Variants in SLC60A1 observed in about 807,000 individuals in gnomAD.
SLC60A1 encodes the protein major facilitator superfamily domain containing 4.
At chr1:205,570,468 G>A in the SLC60A1 span, among the ~76,000 whole-genome samples, 1 of 152,236 alleles carries the variant, frequency 6.6e-6, no homozygotes, top group African/African-American at 2.4e-5. Flanking sequence ...AACGCCTACA[G>A]GTGTTCGTGA....
chr1:205,576,624 C>G, the SLC60A1 span, among the ~76,000 whole-genome samples: 13 of 152,320 alleles, frequency 8.5e-5, 1 homozygote, highest in Middle Eastern at 3.4e-3. Flanking sequence ...ATCCACATTC[C>G]TAGAAGGGGC....
At chr1:205,582,160 T>A in the SLC60A1 span, among the ~76,000 whole-genome samples, 5 of 152,168 alleles carry the variant, frequency 3.3e-5, no homozygotes, top group Admixed American at 2.6e-4. Flanking sequence ...TTGGGCCCGT[T>A]CCTTCCAGGA....
chr1:205,597,816 T>G, the SLC60A1 span: 2 of 1,613,856 alleles, frequency 1.2e-6, no homozygotes, highest in Non-Finnish European at 1.7e-6. Flanking sequence ...GGGGCAGGAG[T>G]TGGCGAGATG....
the SLC60A1 span, chr1:205,579,564 T>C: frequency 1.7e-5 from 11 of 642,588 alleles, no homozygotes; most frequent in Non-Finnish European, 2.5e-5. Flanking sequence ...GTGAGGTAGA[T>C]TGTTATCTGA....
At chr1:205,600,570 A>C in the SLC60A1 span, 29 of 1,052,162 alleles carry the variant, frequency 2.8e-5, no homozygotes, top group Non-Finnish European at 4.0e-5. Context: ...ATGGCTATTC[A>C]AGTCTTCTCC....
At chr1:205,584,979 G>A in the SLC60A1 span, 15 of 1,613,598 alleles carry the variant, frequency 9.3e-6, no homozygotes, top group African/African-American at 1.3e-5. Flanking sequence ...TGTTCATGAC[G>A]GATGGGTTGA....
the SLC60A1 span, among the ~76,000 whole-genome samples, chr1:205,591,190 T>C: frequency 6.6e-6 from 1 of 152,124 alleles, no homozygotes. Flanking sequence ...TTTACTGAAC[T>C]AGAAAGATTT....
At chr1:205,584,914 C>T in the SLC60A1 span, 3 of 1,614,134 alleles carry the variant, frequency 1.9e-6, no homozygotes, top group Non-Finnish European at 2.5e-6. Context: ...AAGGAAGAAC[C>T]TCAGAGGAGC....
At chr1:205,579,293 C>T in the SLC60A1 span, among the ~76,000 whole-genome samples, 3 of 150,950 alleles carry the variant, frequency 2.0e-5, no homozygotes, top group African/African-American at 7.4e-5. Context: ...GGGCAGCCAG[C>T]GCCAATTCCT....
chr1:205,581,060 G>T, the SLC60A1 span: 1 of 1,195,304 alleles, frequency 8.4e-7, no homozygotes, highest in Non-Finnish European at 1.1e-6. This position sits in a 1 kb window ranked among gnomAD's most constrained non-coding sequence, Gnocchi z 4.2. Flanking sequence ...GCAGGAGGAT[G>T]GGAGGACAAA....
chr1:205,595,021 C>T, the SLC60A1 span: 1 of 152,254 alleles, frequency 6.6e-6, no homozygotes, highest in African/African-American at 2.4e-5. Flanking sequence ...AAGCCACCCT[C>T]CACATGGTAA....
chr1:205,581,235 A>G, the SLC60A1 span, among the ~76,000 whole-genome samples: 1 of 152,238 alleles, frequency 6.6e-6, no homozygotes, highest in East Asian at 1.9e-4. The surrounding 1 kb of genome is among the most constrained non-coding windows in gnomAD (Gnocchi z 4.2). Flanking sequence ...GGCCAGATGA[A>G]GTGGACCCTG....
chr1:205,593,105 G>A, the SLC60A1 span, among the ~76,000 whole-genome samples: 1 of 152,124 alleles, frequency 6.6e-6, no homozygotes, highest in Admixed American at 6.5e-5. Flanking sequence ...CTTTTTTAAT[G>A]AGTTAATTAA....
At chr1:205,580,549 G>T in the SLC60A1 span, 1 of 1,378,046 alleles carries the variant, frequency 7.3e-7, no homozygotes. This position sits in a 1 kb window ranked among gnomAD's most constrained non-coding sequence, Gnocchi z 5.0. Flanking sequence ...GCAGAGGGTG[G>T]GGCTGGGGGA....
chr1:205,576,153 A>G, the SLC60A1 span, among the ~76,000 whole-genome samples: 1 of 152,202 alleles, frequency 6.6e-6, no homozygotes, highest in Non-Finnish European at 1.5e-5. Flanking sequence ...TTCCTGGGCC[A>G]GCCTCCCAGG....
the SLC60A1 span, chr1:205,579,790 G>A: frequency 6.2e-7 from 1 of 1,614,110 alleles, no homozygotes; most frequent in Non-Finnish European, 8.5e-7. Flanking sequence ...CCTCCTCTCT[G>A]GCCATCTCCC....
the SLC60A1 span, among the ~76,000 whole-genome samples, chr1:205,581,527 G>T: frequency 6.6e-6 from 1 of 152,236 alleles, no homozygotes; most frequent in Non-Finnish European, 1.5e-5. This position sits in a 1 kb window ranked among gnomAD's most constrained non-coding sequence, Gnocchi z 4.2. Flanking sequence ...GCAAACCCAA[G>T]TTGGGATCTC....
chr1:205,571,147 A>G, the SLC60A1 span, among the ~76,000 whole-genome samples: 13 of 152,246 alleles, frequency 8.5e-5, no homozygotes, highest in African/African-American at 2.7e-4. Context: ...AGTACTTCAC[A>G]TGTATCAGCC....
the SLC60A1 span, among the ~76,000 whole-genome samples, chr1:205,569,938 G>T: frequency 6.6e-6 from 1 of 151,954 alleles, no homozygotes; most frequent in Non-Finnish European, 1.5e-5. Context: ...TCCTGCATGG[G>T]CCCCCGAGAC....
Sources: allele counts gnomAD v4.1 joint callset (sites outside exome capture counted in the v4.1 genomes callset), GRCh38; gene constraint gnomAD v4.1.1; non-coding constraint Gnocchi (gnomAD v3.1); transcripts MANE v1.5; gene names NCBI Gene and HGNC (gene_info 2026-07-23, HGNC 2026-07-21).